The following TESK2 variants were observed in gnomAD, a reference collection of about 807,000 sequenced individuals.
TESK2 encodes testis associated actin remodelling kinase 2, also known as dual specificity testis-specific protein kinase 2.
A neutral mutation model predicts 57.1 loss-of-function variants in TESK2; 39 were observed. That is an observed-to-expected ratio of 0.68 (90% CI 0.53 to 0.89). The LOEUF (loss-of-function observed/expected upper bound fraction) is 0.89. Ranked by LOEUF, TESK2 falls within the 40% of genes least tolerant of loss-of-function variation. TESK2 has a pLI of 0.00. For synonymous variants in TESK2, 249 were observed against 267.9 expected, an observed-to-expected ratio of 0.93 and a Z score of 0.69; for missense variants, 646 against 732.1, an observed-to-expected ratio of 0.88 and a Z score of 1.36.
intron 1 of TESK2, among the ~76,000 whole-genome samples, chr1:45,461,258 T>C (rs1247441606): frequency 1.3e-5 from 2 of 152,018 alleles, no homozygotes; most frequent in Admixed American, 1.3e-4. Flanking sequence ...ATCCCAGCAC[T>C]TTGAGAATCC....
chr1:45,419,660 GC>G (rs2149286265), intron 3 of TESK2, among the ~76,000 whole-genome samples: 1 of 152,138 alleles, frequency 6.6e-6, no homozygotes, highest in East Asian at 1.9e-4. Flanking sequence ...ACAAAAATTA[GC>G]CGGGTGTGAT....
intron 2 of TESK2, among the ~76,000 whole-genome samples, chr1:45,424,897 G>T (rs927306293): frequency 6.6e-6 from 1 of 151,488 alleles, no homozygotes; most frequent in African/African-American, 2.4e-5. Flanking sequence ...CAAAAAACTA[G>T]GTATAGAAGG....
intron 2 of TESK2, among the ~76,000 whole-genome samples, chr1:45,437,268 TC>T (rs1358813394): frequency 2.6e-5 from 4 of 152,226 alleles, no homozygotes; most frequent in Non-Finnish European, 5.9e-5. Flanking sequence ...GTAGGGTCTT[TC>T]ACTTTCTTGG....
chr1:45,390,457 C>G (rs1447276808), intron 3 of TESK2, among the ~76,000 whole-genome samples: 1 of 151,498 alleles, frequency 6.6e-6, no homozygotes, highest in Non-Finnish European at 1.5e-5. Context: ...GAGCGAGACT[C>G]TGTCTAAAAA....
At chr1:45,448,824 A>G (rs2149296676) in intron 2 of TESK2, among the ~76,000 whole-genome samples, 1 of 152,310 alleles carries the variant, frequency 6.6e-6, no homozygotes, top group Non-Finnish European at 1.5e-5. Context: ...TAAAATAACA[A>G]TGAGATACTA....
At chr1:45,457,919 C>T (rs948754321) in intron 1 of TESK2, 48 bp from the exon 2 acceptor site, 8 of 668,092 alleles carry the variant, frequency 1.2e-5, no homozygotes, top group African/African-American at 9.1e-5. Context: ...TGAATAAATA[C>T]ATGTAAAGCA....
intron 3 of TESK2, chr1:45,415,301 A>G: frequency 8.1e-7 from 1 of 1,238,626 alleles, no homozygotes; most frequent in Non-Finnish European, 1.2e-6. Context: ...GGGAATGGCA[A>G]GACCAGCAAG....
At chr1:45,417,569 A>G (rs1476942159) in intron 3 of TESK2, among the ~76,000 whole-genome samples, 2 of 150,162 alleles carry the variant, frequency 1.3e-5, no homozygotes, top group Non-Finnish European at 3.0e-5. Context: ...TGTCTACCCA[A>G]TCTCATGGAG....
chr1:45,440,441 C>T (rs1356933245), intron 2 of TESK2, among the ~76,000 whole-genome samples: 2 of 151,962 alleles, frequency 1.3e-5, no homozygotes, highest in African/African-American at 4.8e-5. Context: ...GGGCTGGGCG[C>T]GGTGGCTCAT....
intron 2 of TESK2, among the ~76,000 whole-genome samples, chr1:45,441,655 G>A (rs1651450017): frequency 8.0e-6 from 1 of 125,142 alleles, no homozygotes; most frequent in South Asian, 2.4e-4. Context: ...GTCTCACTCT[G>A]TTGCCCAGGC....
At chr1:45,382,012 A>AG (rs1648674378) in intron 4 of TESK2, among the ~76,000 whole-genome samples, 1 of 151,856 alleles carries the variant, frequency 6.6e-6, no homozygotes, top group Admixed American at 6.6e-5. Context: ...CTGAGACTGT[A>AG]GGTGTGTATC....
intron 5 of TESK2, 106 bp downstream of exon 5, chr1:45,355,197 T>C (rs1647367735): frequency 1.7e-5 from 22 of 1,312,388 alleles, no homozygotes; most frequent in Middle Eastern, 4.5e-4. Flanking sequence ...CTATAAAATA[T>C]AATGAATTAT....
intron 1 of TESK2, among the ~76,000 whole-genome samples, chr1:45,463,777 C>T (rs1652428227): frequency 6.6e-6 from 1 of 151,916 alleles, no homozygotes; most frequent in African/African-American, 2.4e-5. Context: ...TTTGTAGAGA[C>T]AAGGTTTTGC....
chr1:45,428,853 G>GCT (rs1190711791), intron 2 of TESK2, among the ~76,000 whole-genome samples: 1 of 111,484 alleles, frequency 9.0e-6, no homozygotes, highest in East Asian at 2.8e-4. Context: ...ACGGAGTCTC[G>GCT]CTCTGTCACC....
At chr1:45,412,152 C>A (rs1650059976) in intron 3 of TESK2, among the ~76,000 whole-genome samples, 2 of 152,062 alleles carry the variant, frequency 1.3e-5, no homozygotes, top group South Asian at 4.1e-4. Flanking sequence ...ATTTTTGACT[C>A]GATTTTGAAA....
rs750074178 is a variant in TESK2, at chr1:45,435,562, A to ATT, written c.223-13718_223-13717dup. 5.8e-3 allele frequency among the ~76,000 whole-genome samples: 400 copies of ATT among 68,888 alleles called. 37 individuals are homozygous for ATT. Among genetic ancestry groups the ATT allele is most frequent in the African/African-American group, 0.022 (310 of 14,272 alleles). 45.2% of individuals were successfully genotyped at this position (68,888 alleles called of 152,430 possible). A position where few individuals can be genotyped will look rare whatever the true frequency, so the allele number is the denominator to read the frequency against. ...TATAGGTGTAAGCCACTGTGGTCTA[A>ATT]TTTTTTTTTTTTTTTTTTTTTTTTT... On this transcript the variant is annotated intron_variant, in intron 2 of 10. Coordinates refer to ENST00000372086, the MANE Select transcript of TESK2 (RefSeq NM_007170.3).
chr1:45,452,273 T>C (rs1450701100), intron 2 of TESK2, among the ~76,000 whole-genome samples: 3 of 152,194 alleles, frequency 2.0e-5, no homozygotes, highest in African/African-American at 7.2e-5. Context: ...AAATTCTGCA[T>C]TAAATGTATG....
At chr1:45,401,094 T>C (rs1233943836) in intron 3 of TESK2, among the ~76,000 whole-genome samples, 1 of 150,502 alleles carries the variant, frequency 6.6e-6, no homozygotes, top group Non-Finnish European at 1.5e-5. Context: ...TTACTCTGAT[T>C]TAAAAAACAC....
intron 4 of TESK2, among the ~76,000 whole-genome samples, chr1:45,369,638 C>T (rs575755428): frequency 4.6e-5 from 7 of 151,440 alleles, no homozygotes; most frequent in South Asian, 4.2e-4. Context: ...AGGATGCGGC[C>T]GAGAAAAAGA....
Sources: gnomAD v4.1 joint callset for allele counts (sites outside exome capture counted in the v4.1 genomes callset) on GRCh38, gnomAD v4.1.1 for gene constraint, MANE v1.5 for transcripts, NCBI Gene and HGNC (gene_info 2026-07-23, HGNC 2026-07-21) for gene names.